SAXO4: variants seen among roughly 807,000 people sequenced by gnomAD.
SAXO4 encodes the protein stabilizer of axonemal microtubules 4, also known as protein phosphatase 1 regulatory subunit 32.
At chr11:61,485,350 A>G in the SAXO4 span, 2 of 1,613,510 alleles carry the variant, frequency 1.2e-6, no homozygotes, top group Non-Finnish European at 1.7e-6. Flanking sequence ...CCCACGCTTC[A>G]TGACGTCGGA....
chr11:61,489,292 G>A, the SAXO4 span: 4 of 195,184 alleles, frequency 2.0e-5, no homozygotes, highest in East Asian at 1.4e-4. Flanking sequence ...TGTCAGGCAC[G>A]CTTGCTGGTG....
chr11:61,489,694 C>A, the SAXO4 span: 1 of 1,392,720 alleles, frequency 7.2e-7, no homozygotes, highest in Non-Finnish European at 1.0e-6. Context: ...GGAGGCTGGG[C>A]GATCTGAGGG....
the SAXO4 span, chr11:61,490,065 T>G: frequency 1.2e-5 from 12 of 1,034,276 alleles, no homozygotes; most frequent in East Asian, 3.1e-4. Flanking sequence ...GAGGCCCATC[T>G]CCTCTGGCTG....
At chr11:61,488,989 AG>A in the SAXO4 span, 1 of 152,618 alleles carries the variant, frequency 6.6e-6, no homozygotes, top group Admixed American at 6.5e-5. Context: ...GACTGAAAAG[AG>A]GGGAGGGCGG....
chr11:61,484,738 G>A, the SAXO4 span: 26 of 1,613,432 alleles, frequency 1.6e-5, no homozygotes, highest in Admixed American at 3.3e-5. Flanking sequence ...AGGCCATCAC[G>A]GGGCTGGAGC....
At chr11:61,485,840 G>A in the SAXO4 span, 1 of 1,614,012 alleles carries the variant, frequency 6.2e-7, no homozygotes, top group Admixed American at 1.7e-5. Flanking sequence ...GGAGGGGAGT[G>A]GCTTCACCAA....
chr11:61,484,839 G>A, the SAXO4 span: 2 of 1,547,308 alleles, frequency 1.3e-6, no homozygotes, highest in Non-Finnish European at 1.7e-6. Context: ...CCAGCTAAGG[G>A]CTTCGGGGTG....
chr11:61,484,936 C>A, the SAXO4 span: 4 of 1,278,832 alleles, frequency 3.1e-6, no homozygotes, highest in Admixed American at 1.2e-4. Flanking sequence ...AGGGTGGGCT[C>A]AGGGCGCCAA....
the SAXO4 span, among the ~76,000 whole-genome samples, chr11:61,482,141 TTTCCTGCCATCACA>T: frequency 6.6e-6 from 1 of 152,154 alleles, no homozygotes; most frequent in Non-Finnish European, 1.5e-5. Context: ...ACCCACTCCA[TTTCCTGCCATCACA>T]GTCCTGAAAG....
chr11:61,489,891 G>T, the SAXO4 span: 2 of 1,613,806 alleles, frequency 1.2e-6, no homozygotes, highest in African/African-American at 2.7e-5. Flanking sequence ...CAGCTGCATG[G>T]AGGCCACCCC....
chr11:61,485,157 T>C, the SAXO4 span, among the ~76,000 whole-genome samples: 1 of 152,078 alleles, frequency 6.6e-6, no homozygotes, highest in Non-Finnish European at 1.5e-5. Flanking sequence ...GAACTGTGCT[T>C]TGTGCTGAAA....
chr11:61,482,530 G>T, the SAXO4 span: 2 of 1,563,242 alleles, frequency 1.3e-6, no homozygotes, highest in East Asian at 2.2e-5. Context: ...TAGGCTGGGG[G>T]TCCTGGGTGA....
the SAXO4 span, among the ~76,000 whole-genome samples, chr11:61,488,518 A>G: frequency 2.0e-5 from 3 of 151,998 alleles, no homozygotes; most frequent in East Asian, 3.9e-4. Context: ...GTTAGCCAGG[A>G]TGGTCTTGAT....
the SAXO4 span, chr11:61,485,260 G>A: frequency 7.0e-6 from 9 of 1,294,276 alleles, no homozygotes; most frequent in Non-Finnish European, 1.0e-5. Context: ...GAGAACCGAG[G>A]CGCCACTCCA....
At chr11:61,481,754 C>T in the SAXO4 span, 1 of 1,027,064 alleles carries the variant, frequency 9.7e-7, no homozygotes, top group Admixed American at 3.5e-5. Context: ...GCTTGGGACC[C>T]ATGAGGCTCC....
At chr11:61,490,174 T>C in the SAXO4 span, among the ~76,000 whole-genome samples, 3 of 152,006 alleles carry the variant, frequency 2.0e-5, no homozygotes, top group East Asian at 5.8e-4. Context: ...CTGCCCCTGT[T>C]CCCCAGGCCC....
At chr11:61,485,659 C>A in the SAXO4 span, 1 of 709,126 alleles carries the variant, frequency 1.4e-6, no homozygotes, top group East Asian at 2.7e-5. Context: ...GAATCCTCAC[C>A]CTGCCACCCA....
the SAXO4 span, chr11:61,489,816 G>C: frequency 3.1e-6 from 5 of 1,613,916 alleles, no homozygotes; most frequent in Non-Finnish European, 4.2e-6. Context: ...TCTAGACCAG[G>C]AAGGCTGGAC....
At chr11:61,488,105 C>T in the SAXO4 span, among the ~76,000 whole-genome samples, 1 of 151,306 alleles carries the variant, frequency 6.6e-6, no homozygotes. Flanking sequence ...TCCTGTCTCA[C>T]CCTCCTAAAT....
Sources: allele counts gnomAD v4.1 joint callset (sites outside exome capture counted in the v4.1 genomes callset), GRCh38; gene constraint gnomAD v4.1.1; transcripts MANE v1.5; gene names NCBI Gene and HGNC (gene_info 2026-07-23, HGNC 2026-07-21).